Variants in TRPM3 observed in about 807,000 individuals in gnomAD.
TRPM3 encodes the protein long transient receptor potential channel 3.
TRPM3 carries 77 observed loss-of-function variants against 181.2 expected under a neutral mutation model. The observed-to-expected ratio is 0.42, with a 90% CI of 0.35 to 0.51. The LOEUF (loss-of-function observed/expected upper bound fraction) is 0.51, where lower values mean the gene tolerates loss of function less well. Among genes scored for constraint, TRPM3 ranks in the 20% least tolerant of loss-of-function variants. TRPM3 has a pLI of 0.01. For missense variants in TRPM3, 1,759 were observed against 2,196.7 expected, an observed-to-expected ratio of 0.80 and a Z score of 3.98; for synonymous variants, 745 against 796.4, an observed-to-expected ratio of 0.94 and a Z score of 1.09.
chr9:71,208,286 G>A (rs2079250905), intron 1 of TRPM3, among the ~76,000 whole-genome samples: 1 of 152,076 alleles, frequency 6.6e-6, no homozygotes, highest in South Asian at 2.1e-4. Flanking sequence ...CTAGAGTAAA[G>A]GGAACAGCAA....
At chr9:70,835,392 C>T (rs1365904151) in intron 5 of TRPM3, among the ~76,000 whole-genome samples, 7 of 151,890 alleles carry the variant, frequency 4.6e-5, no homozygotes, top group African/African-American at 1.7e-4. Context: ...TTTAAGGCTT[C>T]GAAATGTGTC....
chr9:71,277,456 G>A (rs2084307780), intron 1 of TRPM3, among the ~76,000 whole-genome samples: 1 of 152,096 alleles, frequency 6.6e-6, no homozygotes, highest in Non-Finnish European at 1.5e-5. Flanking sequence ...AGTTTATGAT[G>A]AGTCATACTG....
intron 1 of TRPM3, among the ~76,000 whole-genome samples, chr9:71,290,889 GA>G (rs1209533872): frequency 6.6e-6 from 1 of 151,616 alleles, no homozygotes; most frequent in East Asian, 1.9e-4. Flanking sequence ...AATGGAAAGA[GA>G]AAAAAGTTGA....
chr9:70,846,034 G>C (rs901704377), intron 4 of TRPM3, among the ~76,000 whole-genome samples: 1 of 152,192 alleles, frequency 6.6e-6, no homozygotes, highest in Non-Finnish European at 1.5e-5. Context: ...AAAGGACAGA[G>C]GTAGGGCTTC....
At chr9:70,836,021 GTGAGCTCTACAGA>G (rs1356378097) in intron 5 of TRPM3, among the ~76,000 whole-genome samples, 2 of 152,174 alleles carry the variant, frequency 1.3e-5, no homozygotes, top group African/African-American at 4.8e-5. Flanking sequence ...GGTGCTGACA[GTGAGCTCTACAGA>G]AATGTGAATA....
At chr9:70,605,208 G>A (rs376889492) in intron 19 of TRPM3, among the ~76,000 whole-genome samples, 2 of 152,032 alleles carry the variant, frequency 1.3e-5, no homozygotes, top group African/African-American at 2.4e-5. Context: ...TGCCCGCCTC[G>A]GCCTCCTAAA....
At chr9:71,228,182 T>C (rs1408973405) in intron 1 of TRPM3, among the ~76,000 whole-genome samples, 1 of 152,176 alleles carries the variant, frequency 6.6e-6, no homozygotes, top group Non-Finnish European at 1.5e-5. Flanking sequence ...GTTCAACATA[T>C]GCACATCAAT....
At chr9:71,150,326 A>G (rs2075664669) in intron 1 of TRPM3, among the ~76,000 whole-genome samples, 1 of 152,156 alleles carries the variant, frequency 6.6e-6, no homozygotes, top group Admixed American at 6.6e-5. Context: ...TCTGTAAGAA[A>G]TTTATTGGTT....
chr9:70,610,859 AG>A, intron 18 of TRPM3, 110 bp from the exon 19 acceptor site: 1 of 1,318,304 alleles, frequency 7.6e-7, no homozygotes. Context: ...TAAGAACCCA[AG>A]GCCCCAGAGA....
chr9:70,674,493 C>T (rs1215243985), intron 9 of TRPM3, among the ~76,000 whole-genome samples: 1 of 152,156 alleles, frequency 6.6e-6, no homozygotes, highest in Non-Finnish European at 1.5e-5. Flanking sequence ...GTGATAGTAA[C>T]TCTGCATTTT....
At chr9:70,955,232 C>T (rs2097055152) in intron 1 of TRPM3, among the ~76,000 whole-genome samples, 1 of 152,100 alleles carries the variant, frequency 6.6e-6, no homozygotes. Flanking sequence ...ACTCCTCTGC[C>T]AATAGCAGAC....
chr9:70,892,577 T>C (rs543581964), intron 1 of TRPM3, among the ~76,000 whole-genome samples: 16 of 148,640 alleles, frequency 1.1e-4, no homozygotes, highest in African/African-American at 3.3e-4. Flanking sequence ...GCTACTTCTT[T>C]AGGTTCAAGT....
intron 1 of TRPM3, among the ~76,000 whole-genome samples, chr9:71,085,464 G>A (rs188189685): frequency 6.6e-6 from 1 of 151,988 alleles, no homozygotes; most frequent in East Asian, 1.9e-4. Flanking sequence ...TAAAAACCTG[G>A]GCAAAAGACA....
chr9:70,689,545 G>GA (rs1166540611), intron 8 of TRPM3, among the ~76,000 whole-genome samples: 1 of 151,318 alleles, frequency 6.6e-6, no homozygotes, highest in East Asian at 1.9e-4. Flanking sequence ...CAAGAGAGAT[G>GA]AAGTGAAGTA....
At chr9:70,960,383 T>G (rs531055891) in intron 1 of TRPM3, among the ~76,000 whole-genome samples, 1 of 152,302 alleles carries the variant, frequency 6.6e-6, no homozygotes, top group African/African-American at 2.4e-5. Flanking sequence ...AAAAGGTCTC[T>G]CTGAAAGATA....
intron 14 of TRPM3, among the ~76,000 whole-genome samples, chr9:70,621,549 T>C (rs1445878684): frequency 6.6e-6 from 1 of 152,086 alleles, no homozygotes; most frequent in African/African-American, 2.4e-5. Flanking sequence ...AAATGTTTTG[T>C]AGAGATGGGG....
rs759815004 is a variant in TRPM3 at position 70,537,422 on chromosome 9, GAAT to G, written c.3708-20_3708-18del. The G allele has an allele frequency of 7.0e-7, 1 of 1,432,332 alleles. No homozygotes were observed. The highest frequency in any genetic ancestry group is 9.1e-7 in the Non-Finnish European group (1 of 1,094,700). The allele number at this position is 1,432,332 out of a possible 1,614,324, so 88.7% of individuals were successfully genotyped here. A position where few individuals can be genotyped will look rare whatever the true frequency, so the allele number is the denominator to read the frequency against. ...TTCTCCACCCTGCGCGAGGAAGAGA[GAAT>G]GAGAGTCACTCGGCCTGGTTCCTCT... On this transcript the variant is annotated intron_variant, in intron 25 of 25. Transcript: ENST00000677713.
At chr9:70,539,393 C>G (rs895866800) in intron 25 of TRPM3, among the ~76,000 whole-genome samples, 27 of 152,248 alleles carry the variant, frequency 1.8e-4, no homozygotes, top group Non-Finnish European at 3.5e-4. Context: ...CAGGACCCCC[C>G]ACCCCGACTC....
chr9:71,074,125 C>T (rs888394206), intron 1 of TRPM3, among the ~76,000 whole-genome samples: 3 of 152,052 alleles, frequency 2.0e-5, no homozygotes, highest in African/African-American at 4.8e-5. Context: ...TTCACCAGCC[C>T]GCAATTAATT....
Sources: allele counts gnomAD v4.1 joint callset (sites outside exome capture counted in the v4.1 genomes callset), GRCh38; gene constraint gnomAD v4.1.1; transcripts MANE v1.5; gene names NCBI Gene and HGNC (gene_info 2026-07-23, HGNC 2026-07-21).